The following PCDH15 variants were observed in gnomAD, a reference collection of about 807,000 sequenced individuals.
PCDH15 encodes protocadherin related 15.
Under a neutral mutation model 178.5 loss-of-function variants are expected in PCDH15, and 129 were observed. The observed-to-expected ratio is 0.72, with a 90% CI of 0.63 to 0.84. PCDH15 has a LOEUF of 0.84. Among genes scored for constraint, PCDH15 ranks in the 40% least tolerant of loss-of-function variants. The probability of loss-of-function intolerance (pLI) is 0.00; values close to 1 mark genes in which losing one functional copy is unlikely to be tolerated. For synonymous variants in PCDH15, 800 were observed against 732.0 expected, an observed-to-expected ratio of 1.09 and a Z score of -1.50; for missense variants, 2,230 against 2,099.9, an observed-to-expected ratio of 1.06 and a Z score of -1.21.
At chr10:54,979,790 C>T (rs1184238400) in intron 2 of PCDH15, among the ~76,000 whole-genome samples, 3 of 151,600 alleles carry the variant, frequency 2.0e-5, no homozygotes, top group Admixed American at 6.6e-5. Flanking sequence ...TCTTTTATGG[C>T]TAAATATTAT....
At chr10:55,307,598 C>T (rs1843462981) in intron 1 of PCDH15, among the ~76,000 whole-genome samples, 1 of 149,744 alleles carries the variant, frequency 6.7e-6, no homozygotes, top group South Asian at 2.1e-4. Flanking sequence ...TTTCTGCTTT[C>T]TAACTTACTT....
intron 28 of PCDH15, among the ~76,000 whole-genome samples, chr10:53,849,231 C>T (rs1389507528): frequency 6.6e-6 from 1 of 151,636 alleles, no homozygotes; most frequent in East Asian, 1.9e-4. Flanking sequence ...CTTTTTTTTT[C>T]TATGTTGCTG....
chr10:55,105,567 G>A (rs1164337014), intron 2 of PCDH15, among the ~76,000 whole-genome samples: 3 of 152,074 alleles, frequency 2.0e-5, no homozygotes, highest in Non-Finnish European at 4.4e-5. Context: ...ATTACAGGAG[G>A]AGGATCCTAT....
chr10:53,963,022 A>G (rs1408554890), intron 21 of PCDH15, among the ~76,000 whole-genome samples: 2 of 152,220 alleles, frequency 1.3e-5, no homozygotes, highest in African/African-American at 2.4e-5. Context: ...TCAGAGAAAG[A>G]AACACTCCTA....
intron 13 of PCDH15, among the ~76,000 whole-genome samples, chr10:54,167,084 A>G (rs528130510): frequency 6.6e-6 from 1 of 152,270 alleles, no homozygotes; most frequent in African/African-American, 2.4e-5. Flanking sequence ...CATGTTGCTC[A>G]CACAAAGCCT....
At chr10:54,999,584 T>C (rs1008621964) in intron 2 of PCDH15, among the ~76,000 whole-genome samples, 2 of 152,084 alleles carry the variant, frequency 1.3e-5, no homozygotes, top group African/African-American at 4.8e-5. Flanking sequence ...CTGGCTTCAG[T>C]GTGGGAGGTG....
intron 1 of PCDH15, among the ~76,000 whole-genome samples, chr10:55,318,269 G>A (rs761908162): frequency 6.6e-6 from 1 of 152,004 alleles, no homozygotes; most frequent in Non-Finnish European, 1.5e-5. Flanking sequence ...TTGGGGGCAG[G>A]GGTGTGGATA....
chr10:54,525,774 A>T (rs1472945489), intron 3 of PCDH15, among the ~76,000 whole-genome samples: 1 of 152,184 alleles, frequency 6.6e-6, no homozygotes, highest in Non-Finnish European at 1.5e-5. Flanking sequence ...TAATTGTGTC[A>T]TTGGGAAGTT....
At chr10:54,664,472 G>A (rs934593497) in intron 1 of PCDH15, among the ~76,000 whole-genome samples, 182 bp from the exon 2 acceptor site, 6 of 151,960 alleles carry the variant, frequency 3.9e-5, no homozygotes, top group African/African-American at 1.4e-4. Flanking sequence ...ACATAAATTT[G>A]CAGACAAGTA....
chr10:54,314,422 A>G (rs1473150530), intron 8 of PCDH15, among the ~76,000 whole-genome samples: 1 of 152,060 alleles, frequency 6.6e-6, no homozygotes, highest in Non-Finnish European at 1.5e-5. Context: ...TGCCAGCGTA[A>G]TATACTTGAA....
chr10:54,605,400 A>G (rs544805157), intron 2 of PCDH15, among the ~76,000 whole-genome samples: 13 of 152,088 alleles, frequency 8.5e-5, no homozygotes, highest in African/African-American at 3.1e-4. Flanking sequence ...TTTTCTGGGT[A>G]TACTGTTTTG....
At chr10:54,246,829 T>C (rs112048201) in intron 8 of PCDH15, among the ~76,000 whole-genome samples, 1 of 152,074 alleles carries the variant, frequency 6.6e-6, no homozygotes, top group African/African-American at 2.4e-5. Flanking sequence ...CCAATTTCAG[T>C]CTCTTAAGAT....
At chr10:54,030,348 T>C (rs1387759151) in intron 18 of PCDH15, among the ~76,000 whole-genome samples, 1 of 146,978 alleles carries the variant, frequency 6.8e-6, no homozygotes, top group Non-Finnish European at 1.5e-5. Flanking sequence ...TCTATTAACT[T>C]CAAAAAGATG....
intron 3 of PCDH15, among the ~76,000 whole-genome samples, chr10:54,501,947 A>G (rs2137453757): frequency 6.6e-6 from 1 of 152,170 alleles, no homozygotes; most frequent in East Asian, 1.9e-4. Context: ...AATCAGTGTA[A>G]ATAACACATG....
intron 2 of PCDH15, among the ~76,000 whole-genome samples, chr10:54,933,028 T>C (rs1837821178): frequency 6.6e-6 from 1 of 152,214 alleles, no homozygotes; most frequent in African/African-American, 2.4e-5. Context: ...TTTTGATATG[T>C]TTAGAAACAC....
chr10:55,070,607 C>T (rs1841710676), intron 2 of PCDH15, among the ~76,000 whole-genome samples: 1 of 152,116 alleles, frequency 6.6e-6, no homozygotes, highest in African/African-American at 2.4e-5. Context: ...GGCGTTATTT[C>T]TGAGGGCTCT....
At chr10:53,825,400 C>T (rs2076611647) in intron 32 of PCDH15, among the ~76,000 whole-genome samples, 1 of 106,494 alleles carries the variant, frequency 9.4e-6, no homozygotes, top group South Asian at 2.9e-4. Context: ...GTTTACTATA[C>T]ATAGATAAAA....
intron 13 of PCDH15, 81 bp downstream of exon 13, chr10:54,183,359 TTAAG>T (rs1412232152): frequency 1.2e-5 from 15 of 1,296,944 alleles, no homozygotes; most frequent in Middle Eastern, 1.9e-4. Context: ...TTTCTGTTTC[TTAAG>T]TAATTTCTTC....
At chr10:53,970,810 CA>C in intron 21 of PCDH15, among the ~76,000 whole-genome samples, 1 of 151,850 alleles carries the variant, frequency 6.6e-6, no homozygotes, top group East Asian at 1.9e-4. Context: ...GCCTACCAAC[CA>C]AAAAAAGTCC....
Sources: gnomAD v4.1 joint callset for allele counts (sites outside exome capture counted in the v4.1 genomes callset) on GRCh38, gnomAD v4.1.1 for gene constraint, MANE v1.5 for transcripts, NCBI Gene and HGNC (gene_info 2026-07-23, HGNC 2026-07-21) for gene names.